Variants in RAPGEF2 observed in about 807,000 individuals in gnomAD.
RAPGEF2 encodes the protein PDZ domain containing guanine nucleotide exchange factor (GEF) 1.
In RAPGEF2, 54 loss-of-function variants were observed where a neutral mutation model predicts 186.7. The ratio of observed to expected loss-of-function variants is 0.29; its 90% CI spans 0.23 to 0.36. The LOEUF is 0.36. Among genes scored for constraint, RAPGEF2 ranks in the 10% least tolerant of loss-of-function variants. RAPGEF2 has a pLI of 1.00. For synonymous variants in RAPGEF2, 712 were observed against 705.9 expected, an observed-to-expected ratio of 1.01 and a Z score of -0.14; for missense variants, 1,532 against 2,045.0, an observed-to-expected ratio of 0.75 and a Z score of 4.84.
chr4:159,191,610 G>T (rs576122469), intron 2 of RAPGEF2, among the ~76,000 whole-genome samples: 104 of 152,142 alleles, frequency 6.8e-4, no homozygotes, highest in Non-Finnish European at 1.1e-3. Flanking sequence ...GTGGTGGCGC[G>T]CAACGATAGT....
At chr4:159,290,348 A>G (rs1041383587) in intron 7 of RAPGEF2, among the ~76,000 whole-genome samples, 1 of 152,204 alleles carries the variant, frequency 6.6e-6, no homozygotes, top group Non-Finnish European at 1.5e-5. Flanking sequence ...ATGTGCATGC[A>G]TGTGCACTGA....
chr4:159,229,822 T>C (rs1467904566), intron 4 of RAPGEF2, among the ~76,000 whole-genome samples: 1 of 152,208 alleles, frequency 6.6e-6, no homozygotes. Flanking sequence ...TTAGTCATAC[T>C]GAGGGAGTAC....
At chr4:159,306,030 T>C (rs1373024575) in intron 8 of RAPGEF2, among the ~76,000 whole-genome samples, 1 of 152,170 alleles carries the variant, frequency 6.6e-6, no homozygotes, top group East Asian at 1.9e-4. Flanking sequence ...CCTATTTTAA[T>C]ACCAGTATCA....
chr4:159,264,574 A>T (rs1579669504), intron 7 of RAPGEF2, among the ~76,000 whole-genome samples: 1 of 152,208 alleles, frequency 6.6e-6, no homozygotes, highest in African/African-American at 2.4e-5. Flanking sequence ...TACTTTTTTT[A>T]AATTGTGATA....
chr4:159,273,642 CTTTCTTTCTTTCTTT>C (rs1758422371), intron 7 of RAPGEF2, among the ~76,000 whole-genome samples: 1 of 109,518 alleles, frequency 9.1e-6, no homozygotes, highest in African/African-American at 3.7e-5. Flanking sequence ...TTCTTTCTTT[CTTTCTTTCTTTCTTT>C]CTTTCTTTCT....
chr4:159,131,097 TGAGAGA>T (rs10596468), intron 1 of RAPGEF2, among the ~76,000 whole-genome samples: 13,290 of 148,104 alleles, frequency 0.09, 633 homozygotes, highest in African/African-American at 0.13. Context: ...TGTGTGTGTG[TGAGAGA>T]GAGAGAGAGA....
At chr4:159,343,947 C>T in intron 22 of RAPGEF2, 89 bp from the exon 23 acceptor site, 1 of 1,357,164 alleles carries the variant, frequency 7.4e-7, no homozygotes. Flanking sequence ...ACTGCTTATC[C>T]AGAAGTCTAG....
At chr4:159,223,653 A>G (rs1028044272) in intron 4 of RAPGEF2, among the ~76,000 whole-genome samples, 2 of 152,198 alleles carry the variant, frequency 1.3e-5, no homozygotes, top group African/African-American at 4.8e-5. Flanking sequence ...AATCAGATAC[A>G]TTTTAGGATG....
chr4:159,350,216 T>A lies in RAPGEF2; in HGVS notation c.3792T>A (p.Ala1264=), dbSNP rs1258262744. Residue 1264 remains alanine, a synonymous_variant, in exon 26 of 30, where the codon GCT becomes GCA. Coordinates refer to ENST00000691494, the MANE Select transcript of RAPGEF2 (RefSeq NM_001394067.2). The part of the protein sequence containing the change: ...EGSLERHKKQ[A]EDTISNASSQ... ...GTTTGGAACGTCACAAGAAACAGGC[T>A]GAAGATACAATATCAAATGCATCTT... The A allele has an allele frequency of 1.4e-5, 22 of 1,598,656 alleles. No individual in the cohort carries two copies. The highest frequency in any genetic ancestry group is 1.9e-5 in the Non-Finnish European group (22 of 1,172,194).
intron 1 of RAPGEF2, among the ~76,000 whole-genome samples, chr4:159,164,819 A>G (rs1745124958): frequency 6.6e-6 from 1 of 152,190 alleles, no homozygotes; most frequent in South Asian, 2.1e-4. Context: ...AAATAGTAAA[A>G]CTGACTGCTA....
intron 1 of RAPGEF2, among the ~76,000 whole-genome samples, chr4:159,156,623 A>G (rs1220789229): frequency 6.6e-6 from 1 of 152,076 alleles, no homozygotes; most frequent in African/African-American, 2.4e-5. Context: ...TCCTAATGCT[A>G]TCCCTCCCCC....
chr4:159,300,909 G>T (rs1432213728), intron 7 of RAPGEF2, among the ~76,000 whole-genome samples: 1 of 152,122 alleles, frequency 6.6e-6, no homozygotes, highest in Non-Finnish European at 1.5e-5. Flanking sequence ...CCCCTACATG[G>T]TTTGTTTGCC....
rs115531619 is a variant in RAPGEF2 at position 159,320,410 on chromosome 4, C to A, written c.854-1937C>A. ...CTACTCATTCCAGAAATAAAAGTTT[C>A]ATGAAACAGAACGTATTCTTTCTAT... On this transcript the variant is annotated intron_variant, in intron 9 of 29. Coordinates refer to ENST00000691494, the MANE Select transcript of RAPGEF2 (RefSeq NM_001394067.2). Among the ~76,000 whole-genome samples the A allele has an allele frequency of 6.8e-3, 1,033 of 152,286 alleles. 7 individuals are homozygous for A. The highest frequency in any genetic ancestry group is 0.014 in the Middle Eastern group (4 of 294).
intron 7 of RAPGEF2, among the ~76,000 whole-genome samples, chr4:159,271,338 G>A (rs1317923711): frequency 2.0e-5 from 3 of 152,100 alleles, no homozygotes; most frequent in African/African-American, 7.2e-5. Flanking sequence ...TTTATGTAGT[G>A]TGCTATACTT....
At chr4:159,109,176 CCTT>C (rs1324595520) in intron 1 of RAPGEF2, among the ~76,000 whole-genome samples, 1 of 152,044 alleles carries the variant, frequency 6.6e-6, no homozygotes, top group African/African-American at 2.4e-5. Flanking sequence ...AAAAAGTATT[CCTT>C]CTTTGTAAAT....
intron 7 of RAPGEF2, among the ~76,000 whole-genome samples, chr4:159,285,465 A>G (rs6818870): frequency 0.18 from 26,865 of 152,232 alleles, 2,570 homozygotes; most frequent in Admixed American, 0.24. Context: ...ACAAAGCTAC[A>G]TTAATTCAAA....
chr4:159,260,558 T>C (rs910876677), intron 7 of RAPGEF2, among the ~76,000 whole-genome samples: 8 of 152,154 alleles, frequency 5.3e-5, no homozygotes, highest in Admixed American at 1.3e-4. Flanking sequence ...GCTGAACTAC[T>C]TAATGCAGTT....
intron 1 of RAPGEF2, among the ~76,000 whole-genome samples, chr4:159,173,850 A>G (rs560975920): frequency 6.6e-6 from 1 of 152,340 alleles, no homozygotes; most frequent in East Asian, 1.9e-4. Context: ...TAGTATGTTA[A>G]TCTACACATG....
At chr4:159,244,952 T>C (rs527983750) in intron 7 of RAPGEF2, among the ~76,000 whole-genome samples, 1 of 152,002 alleles carries the variant, frequency 6.6e-6, no homozygotes. Flanking sequence ...GAGTTTTATG[T>C]ACCTCAGTGT....
Sources: gnomAD v4.1 joint callset for allele counts (sites outside exome capture counted in the v4.1 genomes callset) on GRCh38, gnomAD v4.1.1 for gene constraint, MANE v1.5 for transcripts, NCBI Gene and HGNC (gene_info 2026-07-23, HGNC 2026-07-21) for gene names.